Variants in C11orf65 observed in about 807,000 individuals in gnomAD.
C11orf65 encodes protein MFI.
A neutral mutation model predicts 35.3 loss-of-function variants in C11orf65; 38 were observed. The observed-to-expected ratio is 1.08, with a 90% confidence interval of 0.83 to 1.41. The LOEUF is 1.41. Ranked by LOEUF, C11orf65 falls within the 40% of genes most tolerant of loss-of-function variation. The pLI is 0.00. For missense variants in C11orf65, 370 were observed against 367.1 expected, an observed-to-expected ratio of 1.01 and a Z score of -0.06; for synonymous variants, 105 against 114.4, an observed-to-expected ratio of 0.92 and a Z score of 0.53.
At chr11:108,421,876 C>T (rs2092821984) in intron 3 of C11orf65, among the ~76,000 whole-genome samples, 2 of 152,154 alleles carry the variant, frequency 1.3e-5, no homozygotes, top group Admixed American at 6.5e-5. Context: ...AAAGCATTCC[C>T]CTGGTTGCTC....
chr11:108,349,071 G>C (rs2088849686), intron 2 of C11orf65, among the ~76,000 whole-genome samples: 1 of 152,136 alleles, frequency 6.6e-6, no homozygotes, highest in Non-Finnish European at 1.5e-5. Flanking sequence ...GTGATAAAGA[G>C]ACCTAAAGAT....
intron 2 of C11orf65, among the ~76,000 whole-genome samples, chr11:108,454,521 C>T (rs1250332347): frequency 2.0e-5 from 3 of 152,274 alleles, no homozygotes; most frequent in East Asian, 1.9e-4. Context: ...TGGTCTTGAA[C>T]TCCCGACCTC....
chr11:108,413,509 C>T (rs185019844), intron 3 of C11orf65, among the ~76,000 whole-genome samples: 1 of 152,126 alleles, frequency 6.6e-6, no homozygotes, highest in South Asian at 2.1e-4. Context: ...CATTTGAATG[C>T]CTTTTATTTC....
intron 6 of C11orf65, among the ~76,000 whole-genome samples, chr11:108,322,302 C>T (rs531684025): frequency 6.6e-6 from 1 of 152,088 alleles, no homozygotes; most frequent in African/African-American, 2.4e-5. Context: ...TTATAGGTGC[C>T]CCGACAATGC....
Position 108,442,593 on chromosome 11 carries a change from C to A in C11orf65, c.82-10755G>T, listed in dbSNP as rs570834962. Reference sequence around the variant, plus strand: ...CCAGAGAGAAAGGTCGGGTTACCCACAAAGGGAAACCCATCAGAATAACAG... The same window carrying A: ...CCAGAGAGAAAGGTCGGGTTACCCAAAAAGGGAAACCCATCAGAATAACAG... On this transcript the variant is annotated intron_variant, in intron 2 of 8. Transcript: ENST00000393084. Among the ~76,000 whole-genome samples, 31 of 152,248 alleles carry A rather than the reference C, an allele frequency of 2.0e-4. No individual in the cohort carries two copies. In the South Asian group the frequency reaches 6.0e-3, roughly 29 times the overall value.
rs1555127008 is a variant in C11orf65, at chr11:108,334,959, C to G, written c.299+261G>C. On this transcript the variant is annotated intron_variant, in intron 3 of 3. Coordinates refer to the C11orf65 transcript ENST00000524755. ...TGACCTATTATCAATCATGTTTATA[C>G]TTTTATTAGGTGGACCACACAGGAG... The G allele has an allele frequency of 1.9e-6, 3 of 1,610,398 alleles. No homozygotes were observed. Among genetic ancestry groups the G allele is most frequent in the Non-Finnish European group, 2.5e-6 (3 of 1,176,764 alleles).
intron 6 of C11orf65, among the ~76,000 whole-genome samples, chr11:108,325,880 ACAGATAGG>A (rs1351171661): frequency 6.6e-6 from 1 of 152,170 alleles, no homozygotes; most frequent in African/African-American, 2.4e-5. Flanking sequence ...AGACAGACAG[ACAGATAGG>A]CAGACGTGGG....
chr11:108,404,188 G>A (rs745697198), intron 6 of C11orf65, among the ~76,000 whole-genome samples: 1 of 152,132 alleles, frequency 6.6e-6, no homozygotes. Flanking sequence ...AACCAGGTAT[G>A]CTACTTGAGG....
chr11:108,324,912 C>T (rs1202216237), intron 6 of C11orf65, among the ~76,000 whole-genome samples: 3 of 152,170 alleles, frequency 2.0e-5, no homozygotes, highest in African/African-American at 7.2e-5. Context: ...GGGGGTCCCT[C>T]ATTTCCTTGC....
intron 2 of C11orf65, among the ~76,000 whole-genome samples, chr11:108,345,078 A>G (rs2088148581): frequency 6.6e-6 from 1 of 152,102 alleles, no homozygotes; most frequent in Non-Finnish European, 1.5e-5. Context: ...AGCTGGGTAG[A>G]TGGTGAAGCT....
rs10588668 is a variant in C11orf65, at chr11:108,430,897, AACACACACACACACACAC to A, written c.174+831_174+848del. ...AAACCCAAAACCCATAAGGATAGGG[AACACACACACACACACAC>A]ACACACACACACACACACACACACA... On this transcript the variant is annotated intron_variant, in intron 3 of 8. Transcript: ENST00000393084. Among the ~76,000 whole-genome samples, 97 of 143,910 alleles carry A rather than the reference AACACACACACACACACAC, an allele frequency of 6.7e-4. 1 individual carries two copies. The highest frequency in any genetic ancestry group is 4.2e-4 in the East Asian group (2 of 4,810). The allele number at this position is 143,910 out of a possible 152,430, so 94.4% of individuals were successfully genotyped here.
At chr11:108,406,066 T>C (rs886138058) in intron 5 of C11orf65, among the ~76,000 whole-genome samples, 1 of 152,310 alleles carries the variant, frequency 6.6e-6, no homozygotes, top group Non-Finnish European at 1.5e-5. Flanking sequence ...TAAGGAAAGT[T>C]TGTTAATCCT....
intron 2 of C11orf65, among the ~76,000 whole-genome samples, chr11:108,444,798 G>A (rs958225594): frequency 2.0e-5 from 3 of 152,122 alleles, no homozygotes; most frequent in African/African-American, 7.2e-5. Context: ...GCTGAAGCAG[G>A]GCAAGGCATT....
rs767165341 is a variant in C11orf65 at position 108,383,148 on chromosome 11, T to C, written c.815A>G (p.Asn272Ser). The C allele has an allele frequency of 1.2e-6, 2 of 1,602,658 alleles. No individual in the cohort carries two copies. The highest frequency in any genetic ancestry group is 8.5e-7 in the Non-Finnish European group (1 of 1,176,752). The part of the protein sequence containing the change: ...KGFRFNQAQK[N>S]IYNYGGDISK... ...TATGTCTCCTCCATAGTTATATATG[T>C]TTTTCTGTGCTTGATTAAACCTGAA... The change falls in exon 9 of 9, where the codon AAC becomes AGC. Residue 272 changes from asparagine to serine, a missense_variant. Physicochemically the swap from Asn to Ser is conservative, Grantham distance 46. Transcript: ENST00000393084.
At chr11:108,438,551 G>GA (rs56267971) in intron 2 of C11orf65, among the ~76,000 whole-genome samples, 26,712 of 141,780 alleles carry the variant, frequency 0.19, 2,712 homozygotes, top group African/African-American at 0.27. Context: ...ATTTCGTCTG[G>GA]AAAAAAAAAA....
At chr11:108,404,309 A>T (rs1467790000) in intron 6 of C11orf65, among the ~76,000 whole-genome samples, 1 of 152,164 alleles carries the variant, frequency 6.6e-6, no homozygotes, top group Non-Finnish European at 1.5e-5. Context: ...GCCTGTTAGG[A>T]CTTGAGTTTG....
intron 2 of C11orf65, among the ~76,000 whole-genome samples, chr11:108,453,597 C>G (rs187878344): frequency 6.6e-6 from 1 of 152,220 alleles, no homozygotes; most frequent in East Asian, 1.9e-4. Context: ...ACTAGGGTAG[C>G]TATAACAATA....
At chr11:108,415,491 C>T (rs897318396) in intron 3 of C11orf65, among the ~76,000 whole-genome samples, 6 of 152,056 alleles carry the variant, frequency 3.9e-5, no homozygotes, top group Non-Finnish European at 5.9e-5. Context: ...TCCATACACC[C>T]GAATAGGAAG....
At chr11:108,318,537 A>G (rs1346047226) in intron 6 of C11orf65, among the ~76,000 whole-genome samples, 1 of 151,838 alleles carries the variant, frequency 6.6e-6, no homozygotes, top group Non-Finnish European at 1.5e-5. Flanking sequence ...TAAAAATGCA[A>G]AAATTAGCTG....
Sources: gnomAD v4.1 joint callset for allele counts (sites outside exome capture counted in the v4.1 genomes callset) on GRCh38, gnomAD v4.1.1 for gene constraint, MANE v1.5 for transcripts, NCBI Gene and HGNC (gene_info 2026-07-23, HGNC 2026-07-21) for gene names.